Variants in ZNF184 observed in about 807,000 individuals in gnomAD.
ZNF184 encodes zinc finger protein 184 (Kruppel-like).
In ZNF184, 16 loss-of-function variants were observed where a neutral mutation model predicts 54.4. The observed-to-expected ratio is 0.29, with a 90% CI of 0.20 to 0.45. ZNF184 has a LOEUF of 0.45. Among genes scored for constraint, ZNF184 ranks in the 20% least tolerant of loss-of-function variants. The probability of loss-of-function intolerance (pLI) is 1.00; values close to 1 mark genes in which losing one functional copy is unlikely to be tolerated. For synonymous variants in ZNF184, 254 were observed against 295.3 expected (o/e 0.86, Z 1.43); for missense variants, 681 against 888.2 (o/e 0.77, Z 2.97).
chr6:27,468,923 A>G (rs1763207045), intron 2 of ZNF184, among the ~76,000 whole-genome samples: 1 of 152,218 alleles, frequency 6.6e-6, no homozygotes, highest in African/African-American at 2.4e-5. Flanking sequence ...TCTTGGTTAT[A>G]CTAGTTTATA....
At chr6:27,409,781 CTACAG>C in the ZNF184 span, among the ~76,000 whole-genome samples, 1 of 152,058 alleles carries the variant, frequency 6.6e-6, no homozygotes, top group South Asian at 2.1e-4. Context: ...TTTATAAAGT[CTACAG>C]TAGTGTAGTC....
chr6:27,422,371 T>C, the ZNF184 span, among the ~76,000 whole-genome samples: 5,204 of 152,152 alleles, frequency 0.034, 175 homozygotes, highest in African/African-American at 0.09. Context: ...TTCGATGCTC[T>C]TTTCAAGGAT....
intron 3 of ZNF184, among the ~76,000 whole-genome samples, chr6:27,462,358 C>T (rs575706342): frequency 6.2e-4 from 94 of 151,918 alleles, no homozygotes; most frequent in African/African-American, 2.1e-3. Flanking sequence ...CCACCACACC[C>T]GGCTAATTTT....
the ZNF184 span, among the ~76,000 whole-genome samples, chr6:27,442,950 G>A: frequency 6.6e-6 from 1 of 151,822 alleles, no homozygotes; most frequent in Non-Finnish European, 1.5e-5. Flanking sequence ...CAGGGGCTTG[G>A]CCCTCTTCCA....
At chr6:27,463,315 G>C (rs1763047309) in intron 3 of ZNF184, among the ~76,000 whole-genome samples, 1 of 150,868 alleles carries the variant, frequency 6.6e-6, no homozygotes. Context: ...GAACTTCTTA[G>C]AGCTGAAAAT....
At chr6:27,465,074 ACCAT>A (rs1406397709) in intron 3 of ZNF184, among the ~76,000 whole-genome samples, 10 of 149,018 alleles carry the variant, frequency 6.7e-5, no homozygotes, top group Admixed American at 4.7e-4. Flanking sequence ...AGGAGGTGGC[ACCAT>A]CTACGAACCA....
chr6:27,459,408 C>A (rs1428259655), intron 3 of ZNF184, among the ~76,000 whole-genome samples: 1 of 151,946 alleles, frequency 6.6e-6, no homozygotes, highest in Non-Finnish European at 1.5e-5. Context: ...GATCAACTAC[C>A]CACAACAATA....
rs61602778 is a variant in ZNF184, at chr6:27,465,016, C to CAAAAAAAAAAAAAA, written c.75+2823_75+2836dup. On this transcript the variant is annotated intron_variant, in intron 3 of 5. Transcript: ENST00000683788. ...TGGGCGACAGAGCAAGACTCTGTCT[C>CAAAAAAAAAAAAAA]AAAAAAAAAAAAAAAAAAAAATAGA... Among the ~76,000 whole-genome samples the CAAAAAAAAAAAAAA allele has an allele frequency of 1.2e-3, 61 of 48,908 alleles. 7 individuals are homozygous for CAAAAAAAAAAAAAA. Among genetic ancestry groups the CAAAAAAAAAAAAAA allele is most frequent in the African/African-American group, 6.8e-3 (59 of 8,688 alleles). The allele number at this position is 48,908 out of a possible 152,430, so 32.1% of individuals were successfully genotyped here. A position where few individuals can be genotyped will look rare whatever the true frequency, so the allele number is the denominator to read the frequency against.
chr6:27,442,941 A>G, the ZNF184 span, among the ~76,000 whole-genome samples: 1 of 152,064 alleles, frequency 6.6e-6, no homozygotes, highest in Admixed American at 6.6e-5. Flanking sequence ...TAGTGGGTCC[A>G]GGGGCTTGGC....
At chr6:27,447,070 A>C (rs1192941990), downstream of ZNF184, among the ~76,000 whole-genome samples, 1 of 79,560 alleles carries the variant, frequency 1.3e-5, no homozygotes, top group Non-Finnish European at 2.6e-5. Context: ...TGCCACTGCA[A>C]TCAAAAAAAA....
the ZNF184 span, among the ~76,000 whole-genome samples, chr6:27,409,498 C>CAAAAAAAAAAAA: frequency 2.5e-4 from 10 of 39,870 alleles, no homozygotes; most frequent in African/African-American, 4.8e-4. Context: ...GACTCCGTCT[C>CAAAAAAAAAAAA]AAAAAAAAAA....
the ZNF184 span, among the ~76,000 whole-genome samples, chr6:27,417,385 G>GT: frequency 7.2e-4 from 105 of 146,312 alleles, no homozygotes; most frequent in Middle Eastern, 3.5e-3. Context: ...GACAATTCTG[G>GT]TTTTTTTTTT....
chr6:27,422,378 G>A, the ZNF184 span, among the ~76,000 whole-genome samples: 242 of 151,962 alleles, frequency 1.6e-3, no homozygotes, highest in African/African-American at 5.6e-3. Flanking sequence ...CTCTTTTCAA[G>A]GATTCTGAGA....
At chr6:27,449,959 G>A (rs1427182221), downstream of ZNF184, among the ~76,000 whole-genome samples, 1 of 152,176 alleles carries the variant, frequency 6.6e-6, no homozygotes, top group Non-Finnish European at 1.5e-5. Flanking sequence ...TGGTAAATAT[G>A]TGACTTAGTT....
the ZNF184 span, chr6:27,407,722 C>G: frequency 1.3e-6 from 1 of 744,168 alleles, no homozygotes; most frequent in Non-Finnish European, 2.5e-6. Flanking sequence ...ATGTACCTTA[C>G]AGAAGATGTC....
At chr6:27,442,323 A>G in the ZNF184 span, among the ~76,000 whole-genome samples, 1 of 152,146 alleles carries the variant, frequency 6.6e-6, no homozygotes, top group Admixed American at 6.5e-5. Flanking sequence ...GCAATTTTAA[A>G]TAATAATGGG....
Position 27,452,990 on chromosome 6 carries a change from C to T in ZNF184, c.569G>A (p.Ser190Asn). ...NNEFGKSVNV[S>N]SNLVTQEPSP... Reference sequence around the variant, plus strand: ...TGGTTCTTGTGTTACAAGGTTTGAACTCACATTGACACTTTTCCCAAATTC... The same window carrying T: ...TGGTTCTTGTGTTACAAGGTTTGAATTCACATTGACACTTTTCCCAAATTC... The change falls in exon 6 of 6, where the codon AGT becomes AAT. Residue 190 changes from serine to asparagine, a missense_variant. Transcript: ENST00000683788. The surrounding 1 kb of genome is among the most constrained non-coding windows in gnomAD (Gnocchi z 5.5). 6.2e-7 allele frequency: 1 copy of T among 1,614,172 alleles called. No homozygotes were observed. Among genetic ancestry groups the T allele is most frequent in the Non-Finnish European group, 8.5e-7 (1 of 1,180,024 alleles).
the ZNF184 span, among the ~76,000 whole-genome samples, chr6:27,432,671 T>C: frequency 6.6e-6 from 1 of 152,206 alleles, no homozygotes; most frequent in Non-Finnish European, 1.5e-5. This position sits in a 1 kb window ranked among gnomAD's most constrained non-coding sequence, Gnocchi z 4.0. Flanking sequence ...CTGTGGGAGA[T>C]TCTACTTTCC....
At chr6:27,446,209 T>A (rs1406872528), downstream of ZNF184, among the ~76,000 whole-genome samples, 1 of 152,158 alleles carries the variant, frequency 6.6e-6, no homozygotes, top group Non-Finnish European at 1.5e-5. Context: ...ATTTCAAAGA[T>A]CTTCAAGTCT....
Sources: allele counts gnomAD v4.1 joint callset (sites outside exome capture counted in the v4.1 genomes callset), GRCh38; gene constraint gnomAD v4.1.1; non-coding constraint Gnocchi (gnomAD v3.1); transcripts MANE v1.5; gene names NCBI Gene and HGNC (gene_info 2026-07-23, HGNC 2026-07-21).